Variants in NFATC1 observed in about 807,000 individuals in gnomAD.
NFATC1 encodes nuclear factor of activated T-cells, cytoplasmic 1.
In NFATC1, 22 loss-of-function variants were observed where a neutral mutation model predicts 76.0. That is an observed-to-expected ratio of 0.29 (90% CI 0.21 to 0.41). The LOEUF (loss-of-function observed/expected upper bound fraction) is 0.41. NFATC1 is among the 10% of genes least tolerant of loss of function. The pLI is 1.00. For synonymous variants in NFATC1, 704 were observed against 613.1 expected (o/e 1.15, Z -2.19); for missense variants, 1,357 against 1,337.7 (o/e 1.01, Z -0.23).
chr18:79,433,555 C>T (rs778831727), intron 2 of NFATC1, 24 bp from the exon 3 acceptor site: 11 of 1,612,414 alleles, frequency 6.8e-6, no homozygotes, highest in African/African-American at 1.3e-5. Context: ...TGCTGAACGC[C>T]TCCTCTGCTC....
At chr18:79,487,467 G>A (rs192579888) in intron 9 of NFATC1, among the ~76,000 whole-genome samples, 2 of 152,326 alleles carry the variant, frequency 1.3e-5, no homozygotes, top group East Asian at 1.9e-4. Flanking sequence ...CCGTGACACC[G>A]GGGGCCCTAG....
intron 8 of NFATC1, among the ~76,000 whole-genome samples, chr18:79,482,365 A>AGC (rs1227158765): frequency 8.2e-5 from 10 of 122,304 alleles, no homozygotes; most frequent in African/African-American, 2.9e-4. Context: ...GTGTCATTCC[A>AGC]GTGTGACGTG....
intron 9 of NFATC1, among the ~76,000 whole-genome samples, chr18:79,512,089 C>A (rs1365413381): frequency 6.6e-6 from 1 of 152,130 alleles, no homozygotes; most frequent in Non-Finnish European, 1.5e-5. Context: ...CCTGGCATGG[C>A]GGACAGAGAG....
chr18:79,471,414 C>G (rs181045731), intron 8 of NFATC1, among the ~76,000 whole-genome samples: 2 of 152,330 alleles, frequency 1.3e-5, no homozygotes, highest in African/African-American at 4.8e-5. Flanking sequence ...GAAAGAAAAC[C>G]AAGTTACAAA....
intron 6 of NFATC1, among the ~76,000 whole-genome samples, chr18:79,458,485 G>A (rs1339416506): frequency 1.3e-5 from 2 of 152,212 alleles, no homozygotes; most frequent in Non-Finnish European, 2.9e-5. Flanking sequence ...GGCTCCGGGC[G>A]GCGGGTCCTG....
intron 9 of NFATC1, among the ~76,000 whole-genome samples, chr18:79,504,625 G>T (rs1025535271): frequency 5.3e-5 from 8 of 152,286 alleles, no homozygotes; most frequent in Non-Finnish European, 1.0e-4. Flanking sequence ...GGCACCTGCT[G>T]TTGGAAACGT....
intron 2 of NFATC1, among the ~76,000 whole-genome samples, chr18:79,429,651 C>T (rs1036051768): frequency 6.6e-6 from 1 of 152,188 alleles, no homozygotes; most frequent in Non-Finnish European, 1.5e-5. Context: ...GCTCCTTTCC[C>T]GCTCATTTGG....
intron 3 of NFATC1, among the ~76,000 whole-genome samples, chr18:79,435,023 C>T (rs935888075): frequency 1.9e-4 from 29 of 152,330 alleles, no homozygotes; most frequent in Middle Eastern, 3.4e-3. Flanking sequence ...CGCTGCACCA[C>T]GCTCCGTCAC....
rs376614992 is a variant in NFATC1, at chr18:79,459,108, G to A, written c.1904-2203G>A. Among the ~76,000 whole-genome samples, 40 of 152,308 alleles carry A rather than the reference G, an allele frequency of 2.6e-4. No individual in the cohort carries two copies. The East Asian group carries it at 5.4e-3, about 21-fold the overall frequency. Reference sequence around the variant, plus strand: ...TTTGAGGAAGGCAGGGATGTTTGTCGGTTCCCCGCACTTTTAGGGGAAGTC... The same window carrying A: ...TTTGAGGAAGGCAGGGATGTTTGTCAGTTCCCCGCACTTTTAGGGGAAGTC... On this transcript the variant is annotated intron_variant, in intron 6 of 9. Transcript: ENST00000427363.
intron 9 of NFATC1, among the ~76,000 whole-genome samples, chr18:79,495,627 G>A (rs749326382): frequency 3.9e-5 from 6 of 152,246 alleles, no homozygotes; most frequent in South Asian, 2.1e-4. Flanking sequence ...ATTTTGTGCC[G>A]AAGAAAATTC....
Position 79,444,260 on chromosome 18 carries a change from G to A in NFATC1, c.1387-4522G>A, listed in dbSNP as rs187340322. Reference sequence around the variant, plus strand: ...TGCACATTTCCCAGTGTGGCTGTGCGTGTGTGTGTGCCCACGTGTGTTCAC... The same window carrying A: ...TGCACATTTCCCAGTGTGGCTGTGCATGTGTGTGTGCCCACGTGTGTTCAC... On this transcript the variant is annotated intron_variant, in intron 3 of 9. Transcript: ENST00000427363. Among the ~76,000 whole-genome samples the A allele has an allele frequency of 2.0e-4, 30 of 152,204 alleles. No individual in the cohort carries two copies. In the East Asian group the frequency reaches 3.7e-3, roughly 19 times the overall value.
intron 1 of NFATC1, among the ~76,000 whole-genome samples, chr18:79,401,170 G>T (rs1179747348): frequency 1.5e-5 from 2 of 134,722 alleles, no homozygotes. Context: ...CCCCTCTCCC[G>T]CTGCCCGGGA....
rs531712742 is a variant in NFATC1 at position 79,516,874 on chromosome 18, A to C, written c.2783-10654A>C. 5.9e-5 allele frequency among the ~76,000 whole-genome samples: 9 copies of C among 152,346 alleles called. No individual in the cohort carries two copies. The East Asian group carries it at 1.5e-3, about 26-fold the overall frequency. On this transcript the variant is annotated intron_variant, in intron 9 of 9. Transcript: ENST00000427363. ...AACCATATTTTTATGTACTTAGCTC[A>C]TATCTACTGTAATACCTTAAATGAG...
chr18:79,519,461 T>C, intron 9 of NFATC1, among the ~76,000 whole-genome samples: 1 of 152,158 alleles, frequency 6.6e-6, no homozygotes, highest in East Asian at 1.9e-4. Flanking sequence ...GCCTCCCAAG[T>C]AGCTGGGACC....
chr18:79,457,907 G>T (rs888628491), intron 6 of NFATC1, among the ~76,000 whole-genome samples: 2 of 152,214 alleles, frequency 1.3e-5, no homozygotes, highest in African/African-American at 4.8e-5. Context: ...AGGTCCCCTC[G>T]TTGGCACAGG....
chr18:79,454,641 G>A lies in NFATC1; in HGVS notation c.1903+2825G>A, dbSNP rs534500346. On this transcript the variant is annotated intron_variant, in intron 6 of 9. Transcript: ENST00000427363. ...GTGTCTCAGGGCGGCGCAAAAGGCC[G>A]GGAGCGGAGTCAGCCTTTCTCTGAG... Among the ~76,000 whole-genome samples the A allele has an allele frequency of 5.9e-5, 9 of 152,354 alleles. No homozygotes were observed. The East Asian group carries it at 7.7e-4, about 13-fold the overall frequency.
intron 2 of NFATC1, chr18:79,422,172 G>GC (rs2086115555): frequency 6.6e-6 from 1 of 152,342 alleles, no homozygotes; most frequent in East Asian, 1.9e-4. Flanking sequence ...TGAGAGCTGA[G>GC]CCGGGCCGTC....
intron 6 of NFATC1, among the ~76,000 whole-genome samples, chr18:79,452,372 C>A (rs964198168): frequency 2.0e-5 from 3 of 152,232 alleles, no homozygotes; most frequent in African/African-American, 7.2e-5. Flanking sequence ...AGGTGTTGCG[C>A]TGGCCCAGCC....
At position 79,527,868 on chromosome 18, in the gene NFATC1, C is replaced by A; in HGVS notation, c.*291C>A. The A allele has an allele frequency of 2.1e-6, 1 of 481,736 alleles. No homozygotes were observed. Among genetic ancestry groups the A allele is most frequent in the Non-Finnish European group, 3.7e-6 (1 of 272,314 alleles). 29.8% of individuals were successfully genotyped at this position (481,736 alleles called of 1,614,324 possible). A position where few individuals can be genotyped will look rare whatever the true frequency, so the allele number is the denominator to read the frequency against. On this transcript the variant is annotated 3_prime_UTR_variant, in exon 10 of 10. Coordinates refer to ENST00000427363, the MANE Select transcript of NFATC1 (RefSeq NM_001278669.2). ...GTGCAGGGGCCTTTCATGGGAACGGCCCACACGCAGTTTGACCCCACGCCC... is the reference window on the plus strand; with the variant it reads ...GTGCAGGGGCCTTTCATGGGAACGGACCACACGCAGTTTGACCCCACGCCC...
Sources: gnomAD v4.1 joint callset for allele counts (sites outside exome capture counted in the v4.1 genomes callset) on GRCh38, gnomAD v4.1.1 for gene constraint, MANE v1.5 for transcripts, NCBI Gene and HGNC (gene_info 2026-07-23, HGNC 2026-07-21) for gene names.